The following SEMA3A variants were observed in gnomAD, a reference collection of about 807,000 sequenced individuals.
SEMA3A encodes the protein semaphorin 3A.
A neutral mutation model predicts 97.9 loss-of-function variants in SEMA3A; 29 were observed. That is an observed-to-expected ratio of 0.30 (90% confidence interval 0.22 to 0.40). The LOEUF (loss-of-function observed/expected upper bound fraction) is 0.40. Ranked by LOEUF, SEMA3A falls within the 10% of genes least tolerant of loss-of-function variation. SEMA3A has a pLI of 1.00. For synonymous variants in SEMA3A, 321 were observed against 323.7 expected, an observed-to-expected ratio of 0.99 and a Z score of 0.09; for missense variants, 763 against 951.3, an observed-to-expected ratio of 0.80 and a Z score of 2.60.
At chr7:84,305,729 C>G (rs1343699994) in intron 3 of SEMA3A, among the ~76,000 whole-genome samples, 1 of 151,906 alleles carries the variant, frequency 6.6e-6, no homozygotes, top group Non-Finnish European at 1.5e-5. Flanking sequence ...ATCTTGCCTC[C>G]TTTACTGGTG....
intron 15 of SEMA3A, among the ~76,000 whole-genome samples, chr7:83,969,596 T>A (rs764928427): frequency 6.6e-5 from 10 of 152,194 alleles, no homozygotes; most frequent in Non-Finnish European, 1.2e-4. Flanking sequence ...ATCATAATTA[T>A]ATAAAAGAAA....
chr7:84,253,395 A>G (rs967509226), intron 3 of SEMA3A, among the ~76,000 whole-genome samples: 5 of 152,074 alleles, frequency 3.3e-5, no homozygotes, highest in Non-Finnish European at 7.3e-5. Flanking sequence ...AAGGGTCACA[A>G]TGTGTCTATT....
At chr7:84,132,230 T>C (rs957069370) in intron 2 of SEMA3A, among the ~76,000 whole-genome samples, 2 of 152,192 alleles carry the variant, frequency 1.3e-5, no homozygotes, top group South Asian at 2.1e-4. Flanking sequence ...TTATTATTAG[T>C]AGAATGATTT....
chr7:83,965,130 G>A (rs6963516), intron 15 of SEMA3A, among the ~76,000 whole-genome samples: 23,468 of 150,110 alleles, frequency 0.16, 2,156 homozygotes, highest in Non-Finnish European at 0.21. Context: ...TAGTAGAGAT[G>A]GGGTTTCGCC....
chr7:84,357,675 A>G (rs13437865), intron 2 of SEMA3A, among the ~76,000 whole-genome samples: 42,812 of 150,656 alleles, frequency 0.28, 6,568 homozygotes, highest in African/African-American at 0.38. Flanking sequence ...TGGGTCAGAT[A>G]GTATTTCTAG....
intron 5 of SEMA3A, among the ~76,000 whole-genome samples, chr7:84,052,885 T>A (rs978235543): frequency 6.6e-6 from 1 of 151,784 alleles, no homozygotes; most frequent in Admixed American, 6.6e-5. Context: ...TCACTTTGAA[T>A]GCGTCCCAGA....
At chr7:84,068,926 G>A (rs973833951) in intron 4 of SEMA3A, among the ~76,000 whole-genome samples, 6 of 151,996 alleles carry the variant, frequency 3.9e-5, no homozygotes, top group African/African-American at 7.2e-5. Context: ...GTTCAACCCC[G>A]TAAATAAATA....
At chr7:84,320,186 G>T (rs1801612588) in intron 2 of SEMA3A, among the ~76,000 whole-genome samples, 1 of 151,874 alleles carries the variant, frequency 6.6e-6, no homozygotes, top group Non-Finnish European at 1.5e-5. Context: ...AATTTAATAT[G>T]GTTAGTCTTA....
chr7:84,300,281 T>C (rs1217842177), intron 3 of SEMA3A, among the ~76,000 whole-genome samples: 1 of 151,988 alleles, frequency 6.6e-6, no homozygotes, highest in Non-Finnish European at 1.5e-5. Context: ...TTCATACACA[T>C]ATACACATCT....
chr7:84,315,068 G>A (rs2115883978), intron 2 of SEMA3A, among the ~76,000 whole-genome samples: 1 of 152,178 alleles, frequency 6.6e-6, no homozygotes, highest in South Asian at 2.1e-4. Flanking sequence ...CTAGCTGGTG[G>A]AATGAGATCA....
In SEMA3A at chr7:84,024,372, C is replaced by A. The variant is rs146919051; in HGVS notation, c.668-10021G>T. Among the ~76,000 whole-genome samples, 433 of 124,626 alleles carry A rather than the reference C, an allele frequency of 3.5e-3. 3 individuals carry two copies. Among genetic ancestry groups the A allele is most frequent in the African/African-American group, 0.012 (398 of 34,378 alleles). 81.8% of individuals were successfully genotyped at this position (124,626 alleles called of 152,430 possible). On this transcript the variant is annotated intron_variant, in intron 6 of 16. Coordinates refer to ENST00000265362, the MANE Select transcript of SEMA3A (RefSeq NM_006080.3). ...CCTGGCCAACATGATGAAACCTCGT[C>A]TCTACTAAAAATACAAAAAAAAAAT...
chr7:84,174,091 C>G (rs1428756483), intron 1 of SEMA3A, among the ~76,000 whole-genome samples: 3 of 151,730 alleles, frequency 2.0e-5, no homozygotes, highest in Non-Finnish European at 4.4e-5. Flanking sequence ...CCCTATCAGT[C>G]AGTAGCAAGT....
intron 1 of SEMA3A, among the ~76,000 whole-genome samples, chr7:84,425,752 C>T (rs1186203222): frequency 6.7e-6 from 1 of 148,922 alleles, no homozygotes; most frequent in Non-Finnish European, 1.5e-5. Context: ...GTTCGCAGAT[C>T]ACAAGGTCCG....
At chr7:84,255,919 A>G (rs1220382680) in intron 3 of SEMA3A, among the ~76,000 whole-genome samples, 2 of 148,164 alleles carry the variant, frequency 1.3e-5, no homozygotes, top group African/African-American at 2.6e-5. Context: ...TCACTTTTTA[A>G]TTCAGATTTA....
chr7:84,013,091 A>AT (rs1790950289), intron 7 of SEMA3A, among the ~76,000 whole-genome samples: 1 of 152,106 alleles, frequency 6.6e-6, no homozygotes. Flanking sequence ...AAAGAAACAG[A>AT]TTTTTTAAAT....
rs35848664 is a variant in SEMA3A at position 84,401,491 on chromosome 7, G to GAA, written c.-245-29593_-245-29592dup. Among the ~76,000 whole-genome samples the GAA allele has an allele frequency of 4.3e-3, 486 of 114,262 alleles. 2 individuals carry two copies. Among genetic ancestry groups the GAA allele is most frequent in the African/African-American group, 0.011 (388 of 33,952 alleles). The allele number at this position is 114,262 out of a possible 152,430, so 75.0% of individuals were successfully genotyped here. On this transcript the variant is annotated intron_variant, in intron 1 of 3. Transcript: ENST00000424555. ...ACCAATGATCTTGTTCACAGAAATA[G>GAA]AAAAAAAAAAAAAAACACTAAAATT...
intron 2 of SEMA3A, among the ~76,000 whole-genome samples, chr7:84,310,564 G>A (rs1326918668): frequency 6.6e-6 from 1 of 151,854 alleles, no homozygotes; most frequent in Non-Finnish European, 1.5e-5. Context: ...TCTTTTCTTT[G>A]ATCCTGGTGT....
chr7:84,031,768 G>A (rs973800821), intron 6 of SEMA3A, among the ~76,000 whole-genome samples: 2 of 151,994 alleles, frequency 1.3e-5, no homozygotes, highest in Non-Finnish European at 2.9e-5. Context: ...CCTAGGAGGC[G>A]GAGGTTGTGG....
rs1179946149 is a variant in SEMA3A at position 84,376,475 on chromosome 7, G to A, written c.-245-4575C>T. ...AAAAATTAGCCGGGCGTGGTGGCGG[G>A]CGCCTGTAGTCCCAGCTACTTGGGA... On this transcript the variant is annotated intron_variant, in intron 1 of 3. Coordinates refer to the SEMA3A transcript ENST00000424555. 3.5e-5 allele frequency among the ~76,000 whole-genome samples: 5 copies of A among 141,936 alleles called. 1 individual carries two copies. The highest frequency in any genetic ancestry group is 6.1e-5 in the Non-Finnish European group (4 of 65,302). 93.1% of individuals were successfully genotyped at this position (141,936 alleles called of 152,430 possible).
Sources: allele counts gnomAD v4.1 joint callset (sites outside exome capture counted in the v4.1 genomes callset), GRCh38; gene constraint gnomAD v4.1.1; transcripts MANE v1.5; gene names NCBI Gene and HGNC (gene_info 2026-07-23, HGNC 2026-07-21).